PLEKHH2: variants seen among roughly 807,000 people sequenced by gnomAD.
PLEKHH2 encodes pleckstrin homology domain-containing family H member 2.
Under a neutral mutation model 187.9 loss-of-function variants are expected in PLEKHH2, and 129 were observed. The observed-to-expected ratio is 0.69, with a 90% CI of 0.59 to 0.79. PLEKHH2 has a LOEUF of 0.79. Among genes scored for constraint, PLEKHH2 ranks in the 30% least tolerant of loss-of-function variants. PLEKHH2 has a pLI of 0.00. For synonymous variants in PLEKHH2, 686 were observed against 605.6 expected, an observed-to-expected ratio of 1.13 and a Z score of -1.95; for missense variants, 2,076 against 1,751.2, an observed-to-expected ratio of 1.19 and a Z score of -3.31.
At chr2:43,657,359 G>T (rs949266593) in intron 2 of PLEKHH2, among the ~76,000 whole-genome samples, 3 of 152,114 alleles carry the variant, frequency 2.0e-5, no homozygotes, top group Non-Finnish European at 4.4e-5. Context: ...TCACATATCT[G>T]ATGCCTCAGC....
At chr2:43,695,002 T>G in intron 5 of PLEKHH2, 141 bp from the exon 6 acceptor site, 2 of 411,536 alleles carry the variant, frequency 4.9e-6, no homozygotes, top group East Asian at 4.0e-5. Flanking sequence ...TAAATTAATC[T>G]GAGATTTGTT....
At chr2:43,701,727 C>A (rs1669376381) in intron 8 of PLEKHH2, among the ~76,000 whole-genome samples, 1 of 150,754 alleles carries the variant, frequency 6.6e-6, no homozygotes, top group South Asian at 2.1e-4. Context: ...AAAAATTCTT[C>A]CAATATTTGA....
chr2:43,693,961 A>G (rs1227979670), intron 4 of PLEKHH2, among the ~76,000 whole-genome samples: 1 of 152,058 alleles, frequency 6.6e-6, no homozygotes, highest in Non-Finnish European at 1.5e-5. Context: ...CACATTCTCA[A>G]TAGTTTTGTG....
chr2:43,676,388 G>A (rs1418687415), intron 2 of PLEKHH2: 5 of 1,318,850 alleles, frequency 3.8e-6, no homozygotes, highest in Admixed American at 5.1e-5. Context: ...GGGGTCCCGC[G>A]CCTTCCGGAG....
intron 16 of PLEKHH2, 112 bp downstream of exon 16, chr2:43,720,861 T>C: frequency 6.9e-7 from 1 of 1,447,998 alleles, no homozygotes; most frequent in Non-Finnish European, 9.1e-7. Context: ...CTTTATGAGG[T>C]TGAAATTTGG....
At chr2:43,753,049 C>T (rs571087715) in intron 24 of PLEKHH2, among the ~76,000 whole-genome samples, 1 of 152,224 alleles carries the variant, frequency 6.6e-6, no homozygotes, top group East Asian at 1.9e-4. Context: ...CCTTCACTTC[C>T]TTTTCTGTGC....
At chr2:43,721,290 C>A (rs1004211007) in intron 16 of PLEKHH2, among the ~76,000 whole-genome samples, 1 of 152,062 alleles carries the variant, frequency 6.6e-6, no homozygotes, top group African/African-American at 2.4e-5. Flanking sequence ...AACGCATGCC[C>A]AGTCATCATT....
chr2:43,704,026 G>T lies in PLEKHH2; in HGVS notation c.1696G>T (p.Glu566Ter). 6.3e-7 allele frequency: 1 copy of T among 1,597,808 alleles called. No individual in the cohort carries two copies. Among genetic ancestry groups the T allele is most frequent in the Non-Finnish European group, 8.5e-7 (1 of 1,172,386 alleles). Residue 566 changes from glutamate to a stop codon, truncating the protein, a stop_gained, in exon 9 of 30, where the codon GAG becomes TAG. Transcript: ENST00000282406. LOFTEE classifies it high-confidence loss of function. ...AGCCAAATCAGGTATTCGAATGTCT[G>T]AGGCCTTCAATATGGAGAGTGTTAA... is the stretch of plus-strand genomic sequence containing the variant. ...AVAKSGIRMS[E>*]AFNMESVNKN... is the part of the protein sequence containing the mutation.
At chr2:43,762,035 G>A (rs1426100715) in intron 27 of PLEKHH2, among the ~76,000 whole-genome samples, 1 of 152,120 alleles carries the variant, frequency 6.6e-6, no homozygotes. Context: ...CTAAAGATGA[G>A]GAAATTGAGC....
chr2:43,707,279 G>A (rs1046439604), intron 10 of PLEKHH2, 122 bp from the exon 11 acceptor site: 2 of 1,013,558 alleles, frequency 2.0e-6, no homozygotes, highest in African/African-American at 3.2e-5. Flanking sequence ...TAACCTTAGG[G>A]ATGGATACAG....
chr2:43,764,386 C>A, intron 29 of PLEKHH2, 21 bp downstream of exon 29: 2 of 1,608,748 alleles, frequency 1.2e-6, no homozygotes, highest in South Asian at 2.2e-5. Flanking sequence ...GCCTTTCTGC[C>A]AACTTTTTTG....
intron 3 of PLEKHH2, chr2:43,681,026 A>T (rs1394155658): frequency 2.3e-6 from 3 of 1,280,606 alleles, no homozygotes; most frequent in Non-Finnish European, 3.2e-6. Flanking sequence ...TTCCCTCAGA[A>T]TGCCAACTGG....
chr2:43,703,375 C>G (rs774591867), intron 8 of PLEKHH2, among the ~76,000 whole-genome samples: 1 of 152,158 alleles, frequency 6.6e-6, no homozygotes, highest in Non-Finnish European at 1.5e-5. Context: ...AATATAAATT[C>G]CATTGCAATT....
chr2:43,742,484 A>C (rs1028455121), intron 21 of PLEKHH2, among the ~76,000 whole-genome samples: 26 of 152,190 alleles, frequency 1.7e-4, no homozygotes, highest in Non-Finnish European at 3.2e-4. Context: ...GTAATTTTAA[A>C]TTCAGCTTGT....
intron 2 of PLEKHH2, chr2:43,676,465 G>A (rs1161713262): frequency 1.5e-6 from 1 of 646,264 alleles, no homozygotes; most frequent in African/African-American, 1.9e-5. Flanking sequence ...GCGTAGAGAA[G>A]GGGGCGGGGC....
In PLEKHH2 at chr2:43,697,365, G is replaced by C; in HGVS notation, c.688+9G>C. The C allele has an allele frequency of 6.3e-7, 1 of 1,594,282 alleles. No individual in the cohort carries two copies. The highest frequency in any genetic ancestry group is 8.6e-7 in the Non-Finnish European group (1 of 1,168,648). ...AGGAAAAGACATGGAAGGTATTTATGAACTACAGGAATTGACTTTGGCATT... is the reference window on the plus strand; with the variant it reads ...AGGAAAAGACATGGAAGGTATTTATCAACTACAGGAATTGACTTTGGCATT... On this transcript the variant is annotated intron_variant, in intron 7 of 29. Transcript: ENST00000282406.
rs115806018 is a variant in PLEKHH2 at position 43,684,666 on chromosome 2, A to G, written c.186+5741A>G. ...AGGTTTGTTGCCATCAGGGCCAACC[A>G]CTGGTCTTGGTAAGTTTGACAGGAA... On this transcript the variant is annotated intron_variant, in intron 3 of 29. Coordinates refer to ENST00000282406, the MANE Select transcript of PLEKHH2 (RefSeq NM_172069.4). 8.2e-3 allele frequency among the ~76,000 whole-genome samples: 1,252 copies of G among 152,200 alleles called. 19 individuals are homozygous for G. Among genetic ancestry groups the G allele is most frequent in the African/African-American group, 0.029 (1,206 of 41,510 alleles).
intron 14 of PLEKHH2, chr2:43,711,786 C>A (rs147742374): frequency 2.4e-6 from 1 of 424,344 alleles, no homozygotes; most frequent in Non-Finnish European, 3.2e-6. Context: ...CCCAGCTGCT[C>A]GGGAGGCCGA....
intron 2 of PLEKHH2, among the ~76,000 whole-genome samples, chr2:43,650,859 C>G (rs1666434343): frequency 8.6e-5 from 13 of 151,964 alleles, no homozygotes; most frequent in Admixed American, 8.5e-4. Context: ...GTTGGCCAGG[C>G]TGGTCTTGAA....
Sources: gnomAD v4.1 joint callset for allele counts (sites outside exome capture counted in the v4.1 genomes callset) on GRCh38, gnomAD v4.1.1 for gene constraint, MANE v1.5 for transcripts, NCBI Gene and HGNC (gene_info 2026-07-23, HGNC 2026-07-21) for gene names.